Variants in MAP2 observed in about 807,000 individuals in gnomAD.
MAP2 encodes microtubule associated protein 2.
Under a neutral mutation model 137.6 loss-of-function variants are expected in MAP2, and 14 were observed. The ratio of observed to expected loss-of-function variants is 0.10; its 90% CI spans 0.07 to 0.16. MAP2 has a LOEUF of 0.16. MAP2 is among the 10% of genes least tolerant of loss of function. The probability of loss-of-function intolerance (pLI) is 1.00; values close to 1 mark genes in which losing one functional copy is unlikely to be tolerated. For synonymous variants in MAP2, 786 were observed against 782.3 expected, an observed-to-expected ratio of 1.00 and a Z score of -0.08; for missense variants, 2,088 against 2,191.5, an observed-to-expected ratio of 0.95 and a Z score of 0.94.
chr2:209,539,027 CT>C (rs2066453220), intron 2 of MAP2, among the ~76,000 whole-genome samples: 1 of 152,074 alleles, frequency 6.6e-6, no homozygotes, highest in Non-Finnish European at 1.5e-5. Flanking sequence ...TGATACACAT[CT>C]TTTCTGTGTG....
chr2:209,721,529 T>C (rs1422660007), intron 13 of MAP2, among the ~76,000 whole-genome samples: 1 of 152,196 alleles, frequency 6.6e-6, no homozygotes. Context: ...GAAGTTAGCT[T>C]TTAAGTTGTA....
At chr2:209,517,840 G>A (rs1559266184) in intron 2 of MAP2, among the ~76,000 whole-genome samples, 1 of 150,626 alleles carries the variant, frequency 6.6e-6, no homozygotes, top group Non-Finnish European at 1.5e-5. Flanking sequence ...TACAAGCCAT[G>A]AGGTGAATGA....
chr2:209,577,391 A>G (rs945994217), intron 2 of MAP2, among the ~76,000 whole-genome samples: 8 of 152,178 alleles, frequency 5.3e-5, no homozygotes, highest in African/African-American at 1.9e-4. Flanking sequence ...TCTTTTAGAC[A>G]TCAAAAAAAG....
At chr2:209,552,071 A>G (rs1219730428) in intron 2 of MAP2, among the ~76,000 whole-genome samples, 1 of 152,234 alleles carries the variant, frequency 6.6e-6, no homozygotes, top group Admixed American at 6.5e-5. Context: ...ATCATGGGGC[A>G]TGAAGTTTCT....
At chr2:209,458,954 A>G (rs748913611) in intron 1 of MAP2, among the ~76,000 whole-genome samples, 7 of 152,224 alleles carry the variant, frequency 4.6e-5, no homozygotes, top group Non-Finnish European at 8.8e-5. Context: ...TTTATAATAC[A>G]TGTAAAGTGC....
chr2:209,680,907 T>C (rs1175351569), intron 7 of MAP2, 80 bp downstream of exon 7: 9 of 1,179,240 alleles, frequency 7.6e-6, no homozygotes, highest in South Asian at 5.6e-5. Context: ...CTCTGGACTT[T>C]GGTATTGGTT....
chr2:209,462,501 A>G (rs755231504), intron 1 of MAP2, among the ~76,000 whole-genome samples: 1 of 152,176 alleles, frequency 6.6e-6, no homozygotes, highest in Non-Finnish European at 1.5e-5. Context: ...CATGTACACT[A>G]CTTTGTATCT....
intron 2 of MAP2, among the ~76,000 whole-genome samples, chr2:209,575,502 C>CAG (rs1210770795): frequency 4.0e-5 from 4 of 100,350 alleles, no homozygotes; most frequent in African/African-American, 1.3e-4. Flanking sequence ...GCCTGGGCAA[C>CAG]AGTGAGACTC....
chr2:209,700,449 T>C, intron 11 of MAP2, 111 bp downstream of exon 11: 5 of 860,402 alleles, frequency 5.8e-6, no homozygotes, highest in Non-Finnish European at 9.0e-6. Context: ...AAAGTCACTT[T>C]AAATAGTTCG....
At chr2:209,666,768 T>A (rs2046495554) in intron 5 of MAP2, among the ~76,000 whole-genome samples, 1 of 152,066 alleles carries the variant, frequency 6.6e-6, no homozygotes. Context: ...AAAAATTTTA[T>A]CATCTTATGA....
At chr2:209,540,087 G>A (rs111377239) in intron 2 of MAP2, among the ~76,000 whole-genome samples, 3,604 of 134,594 alleles carry the variant, frequency 0.027, 184 homozygotes, top group African/African-American at 0.098. Context: ...GGTGACAGAG[G>A]GAGACGTTGT....
At chr2:209,710,484 C>T in intron 13 of MAP2, 1 of 480,550 alleles carries the variant, frequency 2.1e-6, no homozygotes, top group Non-Finnish European at 3.7e-6. Flanking sequence ...TTTTTACCAA[C>T]TTTTAGTTGA....
At chr2:209,555,714 A>G (rs1205386499) in intron 2 of MAP2, among the ~76,000 whole-genome samples, 1 of 152,228 alleles carries the variant, frequency 6.6e-6, no homozygotes, top group African/African-American at 2.4e-5. Context: ...TAGAGGTACC[A>G]AAAAGCATTT....
intron 12 of MAP2, among the ~76,000 whole-genome samples, chr2:209,706,550 G>A (rs1361291159): frequency 6.6e-6 from 1 of 151,968 alleles, no homozygotes; most frequent in Non-Finnish European, 1.5e-5. Context: ...ACCCTCTAGA[G>A]AGGGTAACTG....
chr2:209,634,293 CA>C (rs2093364197), intron 4 of MAP2, among the ~76,000 whole-genome samples: 1 of 152,150 alleles, frequency 6.6e-6, no homozygotes, highest in South Asian at 2.1e-4. Flanking sequence ...TACTTTTCTT[CA>C]AACCAAAAGG....
intron 2 of MAP2, among the ~76,000 whole-genome samples, chr2:209,531,164 T>C (rs2065054908): frequency 6.6e-6 from 1 of 152,108 alleles, no homozygotes; most frequent in Non-Finnish European, 1.5e-5. Flanking sequence ...ATATTCCAAA[T>C]AGTATTTTTT....
At chr2:209,535,746 C>T (rs1306792157) in intron 2 of MAP2, among the ~76,000 whole-genome samples, 8 of 151,804 alleles carry the variant, frequency 5.3e-5, no homozygotes, top group Admixed American at 1.3e-4. Flanking sequence ...AGGTATTTTT[C>T]GAGGTTTATT....
At position 209,496,143 on chromosome 2, in the gene MAP2, G is replaced by C. The variant is rs113770841; in HGVS notation, c.-221-11449G>C. Among the ~76,000 whole-genome samples the C allele has an allele frequency of 7.4e-3, 1,131 of 152,190 alleles. 6 individuals carry two copies. Among genetic ancestry groups the C allele is most frequent in the Middle Eastern group, 0.031 (9 of 294 alleles). ...CAATGTCTAGAGGTGAAATTAGTTG[G>C]AGTGCTCATGACTCAGCCTCTTTTT... is the stretch of plus-strand genomic sequence containing the variant. On this transcript the variant is annotated intron_variant, in intron 1 of 15. Coordinates refer to ENST00000682079, the MANE Select transcript of MAP2 (RefSeq NM_001375505.1).
intron 1 of MAP2, among the ~76,000 whole-genome samples, chr2:209,474,507 T>A (rs1255695794): frequency 6.6e-6 from 1 of 152,102 alleles, no homozygotes; most frequent in African/African-American, 2.4e-5. Context: ...CAAATAGTAT[T>A]CCATTACATT....
Sources: allele counts gnomAD v4.1 joint callset (sites outside exome capture counted in the v4.1 genomes callset), GRCh38; gene constraint gnomAD v4.1.1; transcripts MANE v1.5; gene names NCBI Gene and HGNC (gene_info 2026-07-23, HGNC 2026-07-21).